ANO10: variants seen among roughly 807,000 people sequenced by gnomAD.
ANO10 encodes the protein anoctamin-10.
A neutral mutation model predicts 74.7 loss-of-function variants in ANO10; 77 were observed. The observed-to-expected ratio is 1.03, with a 90% confidence interval of 0.86 to 1.25. The LOEUF is 1.25. ANO10 is among the 50% of genes most tolerant of loss of function. ANO10 has a pLI of 0.00. For synonymous variants in ANO10, 279 were observed against 284.9 expected, an observed-to-expected ratio of 0.98 and a Z score of 0.21; for missense variants, 721 against 778.1, an observed-to-expected ratio of 0.93 and a Z score of 0.87.
intron 11 of ANO10, among the ~76,000 whole-genome samples, chr3:43,433,492 T>C (rs1575785230): frequency 6.6e-6 from 1 of 152,168 alleles, no homozygotes; most frequent in African/African-American, 2.4e-5. Context: ...TCTAATCCCA[T>C]AGCATTTGGT....
intron 11 of ANO10, among the ~76,000 whole-genome samples, chr3:43,465,270 G>C (rs1280533421): frequency 6.6e-6 from 1 of 152,110 alleles, no homozygotes; most frequent in Non-Finnish European, 1.5e-5. Context: ...TTTTGTCATA[G>C]TGTAAACATC....
At chr3:43,401,979 C>G (rs1352321276) in intron 12 of ANO10, among the ~76,000 whole-genome samples, 1 of 146,002 alleles carries the variant, frequency 6.8e-6, no homozygotes, top group Non-Finnish European at 1.6e-5. Context: ...GGTCCCATGC[C>G]CAGGTTATAA....
At chr3:43,677,981 CAATT>C (rs1485672349) in intron 1 of ANO10, among the ~76,000 whole-genome samples, 1 of 152,188 alleles carries the variant, frequency 6.6e-6, no homozygotes, top group Non-Finnish European at 1.5e-5. Context: ...CCTGAGGGGC[CAATT>C]AATTAACTAC....
chr3:43,679,938 G>A (rs137894566), intron 1 of ANO10, among the ~76,000 whole-genome samples: 7,681 of 152,136 alleles, frequency 0.05, 291 homozygotes, highest in South Asian at 0.12. Context: ...CCATCTGTAC[G>A]TCACCATCAT....
chr3:43,546,117 A>G (rs1443028505), intron 11 of ANO10, among the ~76,000 whole-genome samples: 1 of 152,214 alleles, frequency 6.6e-6, no homozygotes, highest in African/African-American at 2.4e-5. Flanking sequence ...CAAATGTATG[A>G]AAGTCAATAA....
At chr3:43,433,887 G>T (rs1192246386) in intron 11 of ANO10, among the ~76,000 whole-genome samples, 1 of 152,078 alleles carries the variant, frequency 6.6e-6, no homozygotes, top group Non-Finnish European at 1.5e-5. Flanking sequence ...AATTTTAAAA[G>T]AAATAATTAA....
At chr3:43,410,705 G>A (rs2092651075) in intron 12 of ANO10, among the ~76,000 whole-genome samples, 1 of 152,044 alleles carries the variant, frequency 6.6e-6, no homozygotes, top group South Asian at 2.1e-4. Flanking sequence ...TGCAATTTAT[G>A]TAACTAGCAA....
chr3:43,454,730 A>C (rs1270604465), intron 11 of ANO10, among the ~76,000 whole-genome samples: 12 of 152,170 alleles, frequency 7.9e-5, no homozygotes, highest in Non-Finnish European at 1.0e-4. Flanking sequence ...GGTGCTGATC[A>C]CCAGAGACCT....
intron 12 of ANO10, among the ~76,000 whole-genome samples, chr3:43,414,581 C>T (rs1241528084): frequency 1.3e-5 from 2 of 152,116 alleles, no homozygotes; most frequent in South Asian, 2.1e-4. Context: ...TTAGTTTTGG[C>T]TAATTAGCCT....
At chr3:43,429,103 G>C (rs2092943086) in intron 12 of ANO10, among the ~76,000 whole-genome samples, 1 of 152,022 alleles carries the variant, frequency 6.6e-6, no homozygotes, top group African/African-American at 2.4e-5. Flanking sequence ...TGACTTGAGA[G>C]GTCATTTAGC....
intron 12 of ANO10, among the ~76,000 whole-genome samples, chr3:43,379,996 C>A (rs922715507): frequency 6.6e-6 from 1 of 151,902 alleles, no homozygotes; most frequent in African/African-American, 2.4e-5. Context: ...AAATAAAAAA[C>A]CATCACAACT....
chr3:43,445,120 C>A (rs2093224594), intron 11 of ANO10, among the ~76,000 whole-genome samples: 1 of 83,010 alleles, frequency 1.2e-5, no homozygotes. Flanking sequence ...GAGACTTTGC[C>A]TCAAAAAAAA....
At chr3:43,625,737 T>C (rs753821139), upstream of ANO10, among the ~76,000 whole-genome samples, 1 of 152,232 alleles carries the variant, frequency 6.6e-6, no homozygotes, top group African/African-American at 2.4e-5. Flanking sequence ...CAGTCCTTTT[T>C]CTTAGATATG....
chr3:43,459,656 C>T (rs866280970), intron 11 of ANO10, among the ~76,000 whole-genome samples: 10 of 152,186 alleles, frequency 6.6e-5, no homozygotes, highest in Admixed American at 1.3e-4. Flanking sequence ...CTAGTGAGTG[C>T]TTCCTGCCAG....
At chr3:43,682,426 A>C (rs2084214035) in intron 1 of ANO10, among the ~76,000 whole-genome samples, 1 of 152,216 alleles carries the variant, frequency 6.6e-6, no homozygotes, top group Non-Finnish European at 1.5e-5. Context: ...TCTGAAGTTG[A>C]GGCAACAATT....
intron 1 of ANO10, among the ~76,000 whole-genome samples, chr3:43,686,367 C>G (rs2084275509): frequency 6.6e-6 from 1 of 152,168 alleles, no homozygotes; most frequent in Non-Finnish European, 1.5e-5. Context: ...CTTACTGCAG[C>G]CTTGCCCTCC....
intron 11 of ANO10, among the ~76,000 whole-genome samples, chr3:43,549,331 T>C (rs1389162649): frequency 1.3e-5 from 2 of 152,088 alleles, no homozygotes; most frequent in Non-Finnish European, 2.9e-5. Flanking sequence ...TTTAAATTTT[T>C]TGTGGAGACA....
chr3:43,497,498 C>G (rs1014977186), intron 11 of ANO10, among the ~76,000 whole-genome samples: 5 of 152,154 alleles, frequency 3.3e-5, no homozygotes, highest in African/African-American at 1.2e-4. Context: ...GCAGAAAACT[C>G]CAGTCCCAGA....
At position 43,605,867 on chromosome 3, in the gene ANO10, C is replaced by T. The variant is rs1042618681; in HGVS notation, c.-11-4G>A. 28 of 1,612,428 alleles carry T rather than the reference C, an allele frequency of 1.7e-5. No individual in the cohort carries two copies. Among genetic ancestry groups the T allele is most frequent in the South Asian group, 3.3e-5 (3 of 91,008 alleles). ...GTCACTTTCATCTTTGACAAATCTGCGGAAAATTAAAATAAAGAGTGAAAA... is the reference window on the plus strand; with the variant it reads ...GTCACTTTCATCTTTGACAAATCTGTGGAAAATTAAAATAAAGAGTGAAAA... On this transcript the variant is annotated splice_polypyrimidine_tract_variant and splice_region_variant and intron_variant, in intron 1 of 12. Coordinates refer to ENST00000292246, the MANE Select transcript of ANO10 (RefSeq NM_018075.5).
Sources: allele counts gnomAD v4.1 joint callset (sites outside exome capture counted in the v4.1 genomes callset), GRCh38; gene constraint gnomAD v4.1.1; transcripts MANE v1.5; gene names NCBI Gene and HGNC (gene_info 2026-07-23, HGNC 2026-07-21).